NTM: variants seen among roughly 807,000 people sequenced by gnomAD.
NTM encodes the protein IgLON family member 2.
NTM carries 13 observed loss-of-function variants against 42.1 expected under a neutral mutation model. The ratio of observed to expected loss-of-function variants is 0.31; its 90% CI spans 0.20 to 0.49. The LOEUF (loss-of-function observed/expected upper bound fraction) is 0.49. Among genes scored for constraint, NTM ranks in the 20% least tolerant of loss-of-function variants. The pLI, the probability that NTM is intolerant of heterozygous loss-of-function variation, is 0.99. For synonymous variants in NTM, 187 were observed against 179.2 expected, an observed-to-expected ratio of 1.04 and a Z score of -0.35; for missense variants, 373 against 452.8, an observed-to-expected ratio of 0.82 and a Z score of 1.60.
chr11:131,912,743 A>G (rs530645591), intron 2 of NTM, among the ~76,000 whole-genome samples: 99 of 152,324 alleles, frequency 6.5e-4, no homozygotes, highest in African/African-American at 2.1e-3. Context: ...TGTCCTTTGC[A>G]CATGAAGATT....
At chr11:131,584,038 T>C (rs1175861094) in intron 1 of NTM, among the ~76,000 whole-genome samples, 1 of 152,198 alleles carries the variant, frequency 6.6e-6, no homozygotes, top group East Asian at 1.9e-4. Flanking sequence ...GTTTTATGAA[T>C]GCTGAACAGT....
At chr11:131,640,821 A>G (rs2065039982) in intron 1 of NTM, among the ~76,000 whole-genome samples, 1 of 152,254 alleles carries the variant, frequency 6.6e-6, no homozygotes, top group Non-Finnish European at 1.5e-5. Flanking sequence ...CATTTGGGAT[A>G]AGAATGACTG....
intron 4 of NTM, among the ~76,000 whole-genome samples, chr11:132,295,354 T>C (rs548323030): frequency 1.3e-5 from 2 of 152,288 alleles, no homozygotes; most frequent in South Asian, 4.1e-4. Flanking sequence ...CACATGATCA[T>C]GTGGCCCCTT....
chr11:132,321,036 CATCA>C (rs1275214919), intron 7 of NTM, among the ~76,000 whole-genome samples: 14 of 151,478 alleles, frequency 9.2e-5, no homozygotes, highest in African/African-American at 3.4e-4. Context: ...ACATCACCAT[CATCA>C]AAGACCAAAA....
At chr11:131,407,691 G>C (rs946195501) in intron 1 of NTM, among the ~76,000 whole-genome samples, 2 of 152,216 alleles carry the variant, frequency 1.3e-5, no homozygotes, top group Non-Finnish European at 2.9e-5. Flanking sequence ...GGGTATAAAG[G>C]GGAAGGAGTC....
chr11:131,820,683 C>T (rs1025609108), intron 1 of NTM, among the ~76,000 whole-genome samples: 1 of 152,092 alleles, frequency 6.6e-6, no homozygotes, highest in Non-Finnish European at 1.5e-5. Context: ...GTGTGCACCA[C>T]TAAGCAATAC....
chr11:132,104,949 A>G (rs974925124), intron 2 of NTM, among the ~76,000 whole-genome samples: 6,229 of 56,656 alleles, frequency 0.11, 840 homozygotes, highest in African/African-American at 0.18. Context: ...ATATATATAT[A>G]TATATATATA....
intron 2 of NTM, among the ~76,000 whole-genome samples, chr11:131,984,252 T>G (rs939362000): frequency 3.9e-5 from 6 of 152,254 alleles, no homozygotes; most frequent in Non-Finnish European, 8.8e-5. Context: ...TGATCAGCCA[T>G]GGCTGTTTAT....
chr11:131,660,344 G>C, intron 1 of NTM: 1 of 380,466 alleles, frequency 2.6e-6, no homozygotes. Context: ...TGGAGACCTT[G>C]GGTGAATTCA....
At position 132,336,595 on chromosome 11, in the gene NTM, A is replaced by G. The variant is rs763155156; in HGVS notation, c.*1449A>G. 1 of 152,582 alleles carries G rather than the reference A, an allele frequency of 6.6e-6. No individual in the cohort carries two copies. Among genetic ancestry groups the G allele is most frequent in the Non-Finnish European group, 1.5e-5 (1 of 68,030 alleles). The allele number at this position is 152,582 out of a possible 1,614,324, so 9.5% of individuals were successfully genotyped here. A position where few individuals can be genotyped will look rare whatever the true frequency, so the allele number is the denominator to read the frequency against. On this transcript the variant is annotated 3_prime_UTR_variant, in exon 9 of 9. Coordinates refer to ENST00000683400, the MANE Select transcript of NTM (RefSeq NM_001352005.2). ...GCCTTTGTGACCACTGGAGAGTTTA[A>G]TCCTCTTGGTTTATTTTATTTCCCA...
intron 2 of NTM, among the ~76,000 whole-genome samples, chr11:131,986,552 A>G (rs2066102036): frequency 6.6e-6 from 1 of 152,188 alleles, no homozygotes; most frequent in South Asian, 2.1e-4. Flanking sequence ...TTTATACACA[A>G]CTCACCAGAG....
At chr11:132,298,551 C>T (rs1192439576) in intron 4 of NTM, among the ~76,000 whole-genome samples, 5 of 152,246 alleles carry the variant, frequency 3.3e-5, no homozygotes, top group Non-Finnish European at 7.4e-5. Context: ...GCCACATCTG[C>T]AAAGAAAACC....
intron 4 of NTM, chr11:132,306,272 CTTG>C (rs938059499): frequency 6.6e-6 from 1 of 152,180 alleles, no homozygotes; most frequent in Non-Finnish European, 1.5e-5. Flanking sequence ...CACATCATCC[CTTG>C]TTGTATCGGT....
At chr11:131,774,937 T>A (rs760384626) in intron 1 of NTM, among the ~76,000 whole-genome samples, 15 of 152,160 alleles carry the variant, frequency 9.9e-5, no homozygotes, top group Non-Finnish European at 1.5e-4. Flanking sequence ...TTCCTCTCCG[T>A]TCCCTGCAGT....
chr11:132,069,933 A>G (rs1211000595), intron 2 of NTM, among the ~76,000 whole-genome samples: 1 of 148,302 alleles, frequency 6.7e-6, no homozygotes, highest in Non-Finnish European at 1.5e-5. Flanking sequence ...ACTGACCATC[A>G]CAGGTTAGTT....
intron 1 of NTM, among the ~76,000 whole-genome samples, chr11:131,728,048 G>C (rs1033140456): frequency 6.6e-6 from 1 of 152,160 alleles, no homozygotes; most frequent in African/African-American, 2.4e-5. Flanking sequence ...GAACTTACCT[G>C]CTCAGCCAGG....
intron 2 of NTM, among the ~76,000 whole-genome samples, chr11:132,059,451 G>A (rs2080257139): frequency 6.6e-6 from 1 of 152,230 alleles, no homozygotes. Flanking sequence ...CGAGGCCTTA[G>A]GGACTGTCTG....
At chr11:131,824,993 A>G (rs1004476459) in intron 1 of NTM, among the ~76,000 whole-genome samples, 3 of 152,196 alleles carry the variant, frequency 2.0e-5, no homozygotes, top group Non-Finnish European at 4.4e-5. Flanking sequence ...TGGATGGACT[A>G]CAACAACAGA....
intron 1 of NTM, among the ~76,000 whole-genome samples, chr11:131,405,796 T>C (rs183703017): frequency 6.6e-6 from 1 of 152,334 alleles, no homozygotes; most frequent in East Asian, 1.9e-4. Context: ...GAGACCCTCA[T>C]ACATCCCCAT....
Sources: allele counts gnomAD v4.1 joint callset (sites outside exome capture counted in the v4.1 genomes callset), GRCh38; gene constraint gnomAD v4.1.1; transcripts MANE v1.5; gene names NCBI Gene and HGNC (gene_info 2026-07-23, HGNC 2026-07-21).